TBCK: variants seen among roughly 807,000 people sequenced by gnomAD.
TBCK encodes TBC domain-containing protein kinase-like protein.
A neutral mutation model predicts 113.4 loss-of-function variants in TBCK; 99 were observed. The ratio of observed to expected loss-of-function variants is 0.87; its 90% CI spans 0.74 to 1.03. The LOEUF (loss-of-function observed/expected upper bound fraction) is 1.03. Ranked by LOEUF, TBCK falls within the 50% of genes least tolerant of loss-of-function variation. The pLI, the probability that TBCK is intolerant of heterozygous loss-of-function variation, is 0.00. For missense variants in TBCK, 1,045 were observed against 1,061.3 expected (o/e 0.98, Z 0.21); for synonymous variants, 369 against 370.8 (o/e 1.00, Z 0.05).
At chr4:106,103,693 A>G (rs893131899) in intron 24 of TBCK, among the ~76,000 whole-genome samples, 4 of 152,226 alleles carry the variant, frequency 2.6e-5, no homozygotes, top group Non-Finnish European at 4.4e-5. Flanking sequence ...ATTTACTTCA[A>G]TCTATTCAAG....
At chr4:106,224,722 C>T (rs548705269) in intron 19 of TBCK, among the ~76,000 whole-genome samples, 5 of 152,080 alleles carry the variant, frequency 3.3e-5, no homozygotes, top group African/African-American at 4.8e-5. Context: ...CTTTCCTACC[C>T]GACAGATCAG....
intron 20 of TBCK, among the ~76,000 whole-genome samples, chr4:106,197,065 T>C (rs2149825573): frequency 6.6e-6 from 1 of 151,714 alleles, no homozygotes; most frequent in Non-Finnish European, 1.5e-5. Flanking sequence ...TCTTAGAGAG[T>C]GGTACCTGAG....
chr4:106,052,797 G>A (rs1267730020), intron 25 of TBCK, among the ~76,000 whole-genome samples: 1 of 151,240 alleles, frequency 6.6e-6, no homozygotes, highest in Admixed American at 6.6e-5. Flanking sequence ...AAGGTATAAC[G>A]AGCTGCTAGG....
At chr4:106,201,892 T>C (rs1433505482) in intron 20 of TBCK, among the ~76,000 whole-genome samples, 2 of 152,070 alleles carry the variant, frequency 1.3e-5, no homozygotes, top group African/African-American at 4.8e-5. Flanking sequence ...TATTGACCAT[T>C]AGTTTAATGC....
At position 106,235,307 on chromosome 4, in the gene TBCK, T is replaced by C; in HGVS notation, c.1411A>G (p.Met471Val). 1 of 1,611,216 alleles carries C rather than the reference T, an allele frequency of 6.2e-7. No individual in the cohort carries two copies. The highest frequency in any genetic ancestry group is 1.1e-5 in the South Asian group (1 of 90,840). The change falls in exon 15 of 26, where the codon ATG becomes GTG. Residue 471 changes from methionine (M) to valine (V), a missense_variant. Met to Val is a conservative substitution (Grantham distance 21). Coordinates refer to ENST00000394708, the MANE Select transcript of TBCK (RefSeq NM_001163435.3). ...AGAGCAGCCCAGGTTAAACCTCTCATAAGAGGAGGAATGTCAACTCTTGCT... is the reference window on the plus strand; with the variant it reads ...AGAGCAGCCCAGGTTAAACCTCTCACAAGAGGAGGAATGTCAACTCTTGCT... Reference protein sequence around the residue: ...KEARVDIPPLMRGLTWAALLG... With the variant: ...KEARVDIPPLVRGLTWAALLG...
At chr4:106,124,476 T>C (rs1366361381) in intron 23 of TBCK, among the ~76,000 whole-genome samples, 3 of 152,172 alleles carry the variant, frequency 2.0e-5, no homozygotes, top group Non-Finnish European at 4.4e-5. Context: ...AGAAATACCA[T>C]TTGACCCAGC....
intron 23 of TBCK, among the ~76,000 whole-genome samples, chr4:106,143,323 C>G (rs1747355345): frequency 6.6e-6 from 1 of 152,130 alleles, no homozygotes. Context: ...CTTGTGCATA[C>G]TTCAATTTCT....
chr4:106,307,432 C>CA (rs918785386), intron 2 of TBCK, among the ~76,000 whole-genome samples: 9 of 151,536 alleles, frequency 5.9e-5, no homozygotes, highest in Admixed American at 4.6e-4. Flanking sequence ...ATTATCATTA[C>CA]AAAAAAAATT....
At chr4:106,115,808 C>T (rs1743411733) in intron 24 of TBCK, among the ~76,000 whole-genome samples, 1 of 152,132 alleles carries the variant, frequency 6.6e-6, no homozygotes, top group Admixed American at 6.5e-5. Flanking sequence ...TTATAATGAA[C>T]ACAAGGTCAG....
Position 106,251,745 on chromosome 4 carries a change from TCTC to T in TBCK, c.597+118_597+120del. ...CATGATTAAGTCAAATTAAGCCTTTTCTCCTCATATGTAATTAATTTGTACAGC... is the reference window on the plus strand; with the variant it reads ...CATGATTAAGTCAAATTAAGCCTTTTCTCATATGTAATTAATTTGTACAGC... On this transcript the variant is annotated intron_variant, in intron 6 of 25. Coordinates refer to ENST00000394708, the MANE Select transcript of TBCK (RefSeq NM_001163435.3). 3 of 924,672 alleles carry T rather than the reference TCTC, an allele frequency of 3.2e-6. No individual in the cohort carries two copies. In the East Asian group the frequency reaches 8.9e-5, roughly 28 times the overall value. The allele number at this position is 924,672 out of a possible 1,614,324, so 57.3% of individuals were successfully genotyped here.
rs1157457196 is a variant in TBCK, at chr4:106,044,229, C to T, written c.*2341G>A. 6.6e-6 allele frequency: 1 copy of T among 152,104 alleles called. No individual in the cohort carries two copies. The highest frequency in any genetic ancestry group is 1.5e-5 in the Non-Finnish European group (1 of 68,028). 9.4% of individuals were successfully genotyped at this position (152,104 alleles called of 1,614,324 possible). A position where few individuals can be genotyped will look rare whatever the true frequency, so the allele number is the denominator to read the frequency against. On this transcript the variant is annotated 3_prime_UTR_variant, in exon 26 of 26. Coordinates refer to ENST00000394708, the MANE Select transcript of TBCK (RefSeq NM_001163435.3). ...TCTCTTCTCTGCTTTCTCAGTAAGG[C>T]AGAGTTAAGACTCAGAATGATCATC...
chr4:106,254,353 A>G (rs1403783736), intron 5 of TBCK, among the ~76,000 whole-genome samples: 1 of 152,232 alleles, frequency 6.6e-6, no homozygotes, highest in South Asian at 2.1e-4. Context: ...AAACATTGCT[A>G]GCAGGACTTA....
At chr4:106,301,462 T>C (rs957795270) in intron 2 of TBCK, among the ~76,000 whole-genome samples, 20 of 152,142 alleles carry the variant, frequency 1.3e-4, no homozygotes, top group Non-Finnish European at 2.6e-4. Context: ...GTTAACATAG[T>C]ATTTTCAGGC....
At chr4:106,080,830 A>C (rs577605631) in intron 25 of TBCK, among the ~76,000 whole-genome samples, 1 of 129,570 alleles carries the variant, frequency 7.7e-6, no homozygotes, top group Non-Finnish European at 1.7e-5. Flanking sequence ...ATTCACAATT[A>C]AAAAAAAACC....
At chr4:106,068,094 T>G (rs1444630138) in intron 25 of TBCK, among the ~76,000 whole-genome samples, 1 of 152,174 alleles carries the variant, frequency 6.6e-6, no homozygotes, top group East Asian at 1.9e-4. Flanking sequence ...AAACAATTAT[T>G]CCAACACATG....
chr4:106,110,344 T>A (rs957747561), intron 24 of TBCK, among the ~76,000 whole-genome samples: 1 of 152,170 alleles, frequency 6.6e-6, no homozygotes, highest in Non-Finnish European at 1.5e-5. Context: ...TGGACTGCGA[T>A]AGAACCCTCA....
intron 23 of TBCK, among the ~76,000 whole-genome samples, chr4:106,125,577 C>T (rs143821970): frequency 1.3e-4 from 20 of 152,142 alleles, no homozygotes; most frequent in African/African-American, 4.8e-4. Context: ...AATTGGAGGT[C>T]ATCATGTTAA....
At chr4:106,154,407 CT>C (rs1412537976) in intron 23 of TBCK, among the ~76,000 whole-genome samples, 7 of 152,078 alleles carry the variant, frequency 4.6e-5, no homozygotes, top group African/African-American at 1.7e-4. Context: ...TCTTAAAGTA[CT>C]GTCAATGTCT....
At chr4:106,141,777 C>T (rs1028724141) in intron 23 of TBCK, among the ~76,000 whole-genome samples, 2 of 140,692 alleles carry the variant, frequency 1.4e-5, no homozygotes, top group East Asian at 2.0e-4. Flanking sequence ...AAAAAATAAT[C>T]ATGCCATAGG....
Sources: gnomAD v4.1 joint callset for allele counts (sites outside exome capture counted in the v4.1 genomes callset) on GRCh38, gnomAD v4.1.1 for gene constraint, MANE v1.5 for transcripts, NCBI Gene and HGNC (gene_info 2026-07-23, HGNC 2026-07-21) for gene names.